Variants in MAST4 observed in about 807,000 individuals in gnomAD.
The protein encoded by MAST4 is microtubule associated serine/threonine kinase family member 4, also known as microtubule-associated serine/threonine-protein kinase 4.
A neutral mutation model predicts 162.7 loss-of-function variants in MAST4; 89 were observed. That is an observed-to-expected ratio of 0.55 (90% CI 0.46 to 0.65). The LOEUF is 0.65. Among genes scored for constraint, MAST4 ranks in the 30% least tolerant of loss-of-function variants. The pLI is 0.00. For missense variants in MAST4, 3,153 were observed against 3,374.0 expected, an observed-to-expected ratio of 0.93 and a Z score of 1.62; for synonymous variants, 1,479 against 1,361.1, an observed-to-expected ratio of 1.09 and a Z score of -1.91.
intron 4 of MAST4, among the ~76,000 whole-genome samples, chr5:66,944,076 G>T (rs544677026): frequency 1.2e-4 from 18 of 152,172 alleles, no homozygotes; most frequent in African/African-American, 4.3e-4. Context: ...AAAACATTTC[G>T]AGGGTATTTT....
At chr5:66,979,462 G>T (rs902819752) in intron 4 of MAST4, among the ~76,000 whole-genome samples, 2 of 152,180 alleles carry the variant, frequency 1.3e-5, no homozygotes, top group Non-Finnish European at 2.9e-5. Flanking sequence ...TAACTAGGGA[G>T]TAAGCCTGGT....
intron 3 of MAST4, among the ~76,000 whole-genome samples, chr5:66,860,204 A>T (rs1259387350): frequency 6.6e-6 from 1 of 152,226 alleles, no homozygotes; most frequent in African/African-American, 2.4e-5. Flanking sequence ...TAAAATGGGC[A>T]TAAAAATAGC....
chr5:66,753,664 T>G (rs1307281147), intron 1 of MAST4, among the ~76,000 whole-genome samples: 3 of 151,272 alleles, frequency 2.0e-5, no homozygotes, highest in Non-Finnish European at 4.4e-5. Context: ...AATCAATAGC[T>G]TACCAACCAA....
intron 4 of MAST4, among the ~76,000 whole-genome samples, chr5:66,937,316 G>A (rs114469907): frequency 1.3e-5 from 2 of 152,218 alleles, no homozygotes; most frequent in South Asian, 2.1e-4. Context: ...CTCAGTGCAC[G>A]CTCATATGTA....
At chr5:66,776,247 T>C (rs143695870) in intron 2 of MAST4, among the ~76,000 whole-genome samples, 64 of 152,340 alleles carry the variant, frequency 4.2e-4, no homozygotes, top group African/African-American at 1.5e-3. Flanking sequence ...CTGTCATAAC[T>C]GTTTAGATGT....
chr5:66,995,691 A>G (rs989325136), intron 4 of MAST4, among the ~76,000 whole-genome samples: 7 of 152,080 alleles, frequency 4.6e-5, no homozygotes, highest in African/African-American at 1.4e-4. Context: ...GTGAGCCACC[A>G]TGCCCAGACG....
chr5:66,984,889 C>T lies in MAST4; in HGVS notation c.675-69515C>T, dbSNP rs561686476. Among the ~76,000 whole-genome samples the T allele has an allele frequency of 2.6e-5, 4 of 152,140 alleles. No homozygotes were observed. In the South Asian group the frequency reaches 6.2e-4, roughly 24 times the overall value. ...GACTTGAGAGGGCGGGGAGCAGGAT[C>T]GTGGAAGAAAATTAAAAGTTTTGTT... On this transcript the variant is annotated intron_variant, in intron 4 of 28. Coordinates refer to ENST00000403625, the MANE Select transcript of MAST4 (RefSeq NM_001164664.2).
chr5:66,781,477 T>C (rs1469593216), intron 2 of MAST4, among the ~76,000 whole-genome samples: 1 of 152,184 alleles, frequency 6.6e-6, no homozygotes, highest in East Asian at 1.9e-4. Context: ...CAGCTTGCCA[T>C]TGTTCTTTTT....
intron 3 of MAST4, among the ~76,000 whole-genome samples, chr5:66,802,027 A>C (rs1755946886): frequency 6.6e-6 from 1 of 152,214 alleles, no homozygotes; most frequent in South Asian, 2.1e-4. Context: ...AATATAAATT[A>C]AGAACATTGC....
At chr5:66,926,527 A>T (rs1764900271) in intron 4 of MAST4, among the ~76,000 whole-genome samples, 1 of 152,086 alleles carries the variant, frequency 6.6e-6, no homozygotes, top group Admixed American at 6.6e-5. Flanking sequence ...AGCCTGGGTG[A>T]CAGAGCAAGA....
chr5:67,152,617 G>A lies in MAST4; in HGVS notation c.3296-20G>A. ...TTGTGTGAGCCACATGGGCTTTGAT[G>A]ACTGGCTTCTTTGTTACAGATATGT... On this transcript the variant is annotated intron_variant, in intron 24 of 28. Transcript: ENST00000403625. 1.2e-6 allele frequency: 2 copies of A among 1,607,134 alleles called. No individual in the cohort carries two copies. The highest frequency in any genetic ancestry group is 8.5e-7 in the Non-Finnish European group (1 of 1,173,822).
intron 1 of MAST4, among the ~76,000 whole-genome samples, chr5:66,653,908 C>T (rs1746386080): frequency 6.6e-6 from 1 of 152,084 alleles, no homozygotes; most frequent in Admixed American, 6.6e-5. Context: ...AGGAGCGTAC[C>T]TGTTTTTTCC....
intron 3 of MAST4, among the ~76,000 whole-genome samples, chr5:66,879,199 G>A (rs1048749601): frequency 6.6e-6 from 1 of 151,904 alleles, no homozygotes. Flanking sequence ...GAATGGCGTG[G>A]ACCCGGGAGG....
At chr5:67,062,965 G>T (rs1012783481) in intron 5 of MAST4, among the ~76,000 whole-genome samples, 3 of 152,098 alleles carry the variant, frequency 2.0e-5, no homozygotes, top group African/African-American at 7.2e-5. Context: ...CCTTTAGTCA[G>T]CCATGGGTAG....
At chr5:66,732,969 C>A (rs890282224) in intron 1 of MAST4, among the ~76,000 whole-genome samples, 1 of 152,084 alleles carries the variant, frequency 6.6e-6, no homozygotes, top group Non-Finnish European at 1.5e-5. Flanking sequence ...TTTTTTCTGC[C>A]TGCACCCCAC....
intron 4 of MAST4, among the ~76,000 whole-genome samples, chr5:67,039,012 A>G (rs1165962900): frequency 2.6e-5 from 4 of 152,190 alleles, no homozygotes; most frequent in Admixed American, 6.5e-5. Flanking sequence ...TTATACTTGA[A>G]TGGAAATATG....
At chr5:67,041,717 C>G (rs766028913) in intron 4 of MAST4, among the ~76,000 whole-genome samples, 22 of 152,238 alleles carry the variant, frequency 1.4e-4, no homozygotes, top group Non-Finnish European at 2.8e-4. Context: ...CAACCTCCGC[C>G]TCCCAGGTTC....
chr5:66,852,094 C>G (rs1174415821), intron 3 of MAST4, among the ~76,000 whole-genome samples: 1 of 152,130 alleles, frequency 6.6e-6, no homozygotes, highest in Non-Finnish European at 1.5e-5. Context: ...ATGTGATAGA[C>G]ACTGTATATA....
At chr5:66,788,602 A>ACC in intron 2 of MAST4, 68 bp from the exon 3 acceptor site, 3 of 312,486 alleles carry the variant, frequency 9.6e-6, no homozygotes, top group Non-Finnish European at 1.2e-5. Flanking sequence ...CCCCACCCCC[A>ACC]CCCCCATTGC....
Sources: allele counts gnomAD v4.1 joint callset (sites outside exome capture counted in the v4.1 genomes callset), GRCh38; gene constraint gnomAD v4.1.1; transcripts MANE v1.5; gene names NCBI Gene and HGNC (gene_info 2026-07-23, HGNC 2026-07-21).